Variants in SSBP2 observed in about 807,000 individuals in gnomAD.
SSBP2 encodes the protein single-stranded DNA-binding protein 2.
A neutral mutation model predicts 61.8 loss-of-function variants in SSBP2; 17 were observed. The ratio of observed to expected loss-of-function variants is 0.28; its 90% CI spans 0.19 to 0.41. SSBP2 has a LOEUF of 0.41. Ranked by LOEUF, SSBP2 falls within the 10% of genes least tolerant of loss-of-function variation. The pLI, the probability that SSBP2 is intolerant of heterozygous loss-of-function variation, is 1.00. For synonymous variants in SSBP2, 139 were observed against 141.3 expected (o/e 0.98, Z 0.12); for missense variants, 310 against 458.7 (o/e 0.68, Z 2.96).
At chr5:81,670,847 G>A (rs454578) in intron 1 of SSBP2, among the ~76,000 whole-genome samples, 114,388 of 151,960 alleles carry the variant, frequency 0.75, 44,684 homozygotes, top group African/African-American at 0.94. Context: ...CCAAATCTCT[G>A]TGCTCGTCTA....
chr5:81,749,034 C>T (rs1670934023), intron 1 of SSBP2, among the ~76,000 whole-genome samples: 2 of 152,144 alleles, frequency 1.3e-5, no homozygotes, highest in Admixed American at 6.5e-5. Flanking sequence ...GATCATGCCT[C>T]AATACATTTC....
At chr5:81,747,189 C>G (rs1001639647) in intron 1 of SSBP2, among the ~76,000 whole-genome samples, 2 of 152,158 alleles carry the variant, frequency 1.3e-5, no homozygotes, top group Non-Finnish European at 2.9e-5. Flanking sequence ...TCTGTCACAT[C>G]TGATTATGTA....
chr5:81,608,384 G>T (rs1256344382), intron 4 of SSBP2, among the ~76,000 whole-genome samples: 1 of 151,936 alleles, frequency 6.6e-6, no homozygotes, highest in Admixed American at 6.6e-5. Context: ...TAACTGTGTT[G>T]GCCTTTAATC....
chr5:81,670,281 A>C (rs1751496248), intron 1 of SSBP2, among the ~76,000 whole-genome samples: 1 of 152,168 alleles, frequency 6.6e-6, no homozygotes, highest in Non-Finnish European at 1.5e-5. Flanking sequence ...AGAATATGGG[A>C]AATCTCTATA....
At chr5:81,537,396 G>A (rs1770891247) in intron 4 of SSBP2, among the ~76,000 whole-genome samples, 1 of 152,086 alleles carries the variant, frequency 6.6e-6, no homozygotes, top group Non-Finnish European at 1.5e-5. Context: ...CTTAACTCTA[G>A]AAAGACATTT....
chr5:81,496,272 TG>T (rs1338711071), intron 5 of SSBP2, among the ~76,000 whole-genome samples: 16 of 152,080 alleles, frequency 1.1e-4, no homozygotes, highest in African/African-American at 3.9e-4. Flanking sequence ...CTCCGCCTCC[TG>T]AGTTCAAGTG....
chr5:81,572,219 T>C (rs147294923), intron 4 of SSBP2, among the ~76,000 whole-genome samples: 283 of 152,292 alleles, frequency 1.9e-3, no homozygotes, highest in African/African-American at 6.5e-3. Flanking sequence ...TGAAAATAAA[T>C]CTGAGTAATT....
chr5:81,567,532 A>ACAG (rs968642411), intron 4 of SSBP2, among the ~76,000 whole-genome samples: 5 of 152,232 alleles, frequency 3.3e-5, no homozygotes, highest in Non-Finnish European at 7.3e-5. Context: ...CTGCTAGGGC[A>ACAG]CAGCAGAAGG....
At chr5:81,453,418 A>G (rs1177698094) in intron 10 of SSBP2, among the ~76,000 whole-genome samples, 1 of 151,912 alleles carries the variant, frequency 6.6e-6, no homozygotes, top group Non-Finnish European at 1.5e-5. Flanking sequence ...AGGAGGTAGC[A>G]GATGCAGTGA....
chr5:81,742,229 TTC>T (rs1757071562), intron 1 of SSBP2, among the ~76,000 whole-genome samples: 2 of 152,110 alleles, frequency 1.3e-5, no homozygotes, highest in Non-Finnish European at 2.9e-5. Context: ...AATGAAAAAA[TTC>T]TGTCAAAAAT....
chr5:81,589,663 G>A (rs1171824562), intron 4 of SSBP2, among the ~76,000 whole-genome samples: 1 of 152,138 alleles, frequency 6.6e-6, no homozygotes, highest in Non-Finnish European at 1.5e-5. Context: ...AATAATAAAA[G>A]AAGAGCTAAC....
chr5:81,663,793 T>A (rs1006591044), intron 1 of SSBP2, among the ~76,000 whole-genome samples: 1 of 152,166 alleles, frequency 6.6e-6, no homozygotes. Context: ...AAGTGTAGGG[T>A]TGAAACTGAA....
intron 1 of SSBP2, among the ~76,000 whole-genome samples, chr5:81,723,202 T>C (rs1371654722): frequency 1.3e-5 from 2 of 152,026 alleles, no homozygotes; most frequent in African/African-American, 4.8e-5. Context: ...GTTAGCACTT[T>C]CTTTGAGATT....
chr5:81,477,606 A>C (rs896279101), intron 6 of SSBP2, among the ~76,000 whole-genome samples: 6 of 150,608 alleles, frequency 4.0e-5, no homozygotes, highest in Non-Finnish European at 7.4e-5. Flanking sequence ...CTGCATGGCT[A>C]CCCCCCGCCC....
intron 1 of SSBP2, among the ~76,000 whole-genome samples, chr5:81,724,549 C>A (rs1293169516): frequency 1.3e-5 from 2 of 151,920 alleles, no homozygotes; most frequent in Non-Finnish European, 2.9e-5. Context: ...GTGTGTACTA[C>A]CAATCAGCAG....
In SSBP2 at chr5:81,709,860, A is replaced by G. The variant is rs139333610; in HGVS notation, c.62+41121T>C. 1.3e-3 allele frequency among the ~76,000 whole-genome samples: 201 copies of G among 152,116 alleles called. 1 individual carries two copies. Among genetic ancestry groups the G allele is most frequent in the African/African-American group, 4.6e-3 (193 of 41,570 alleles). On this transcript the variant is annotated intron_variant, in intron 1 of 16. Coordinates refer to ENST00000320672, the MANE Select transcript of SSBP2 (RefSeq NM_012446.5). ...TTGCAGAACTATTCCTTTGCATGCT[A>G]TTTAGAAGTCAGTTTGTCTGGGATG...
At chr5:81,585,184 C>T (rs943627816) in intron 4 of SSBP2, among the ~76,000 whole-genome samples, 2 of 151,976 alleles carry the variant, frequency 1.3e-5, no homozygotes, top group Admixed American at 1.3e-4. Flanking sequence ...TATTTCTCCC[C>T]ACCAACCCAC....
intron 4 of SSBP2, among the ~76,000 whole-genome samples, chr5:81,528,976 G>T (rs1410340407): frequency 6.6e-6 from 1 of 151,708 alleles, no homozygotes; most frequent in Non-Finnish European, 1.5e-5. Context: ...AGATTTTCCC[G>T]CAATTCATTT....
rs190518621 is a variant in SSBP2 at position 81,573,802 on chromosome 5, C to A, written c.282+41671G>T. Among the ~76,000 whole-genome samples, 574 of 151,970 alleles carry A rather than the reference C, an allele frequency of 3.8e-3. 6 individuals are homozygous for A. The highest frequency in any genetic ancestry group is 0.014 in the African/African-American group (560 of 41,444). On this transcript the variant is annotated intron_variant, in intron 4 of 16. Coordinates refer to ENST00000320672, the MANE Select transcript of SSBP2 (RefSeq NM_012446.5). Reference sequence around the variant, plus strand: ...GAAACAAAAGACATAGAAACCAGACCCCCTGTGGATTTACATAATGGAGAT... The same window carrying A: ...GAAACAAAAGACATAGAAACCAGACACCCTGTGGATTTACATAATGGAGAT...
Sources: allele counts gnomAD v4.1 joint callset (sites outside exome capture counted in the v4.1 genomes callset), GRCh38; gene constraint gnomAD v4.1.1; transcripts MANE v1.5; gene names NCBI Gene and HGNC (gene_info 2026-07-23, HGNC 2026-07-21).